Variants in ZC3H12C observed in about 807,000 individuals in gnomAD.
ZC3H12C encodes the protein zinc finger CCCH-type containing 12C, also known as probable ribonuclease ZC3H12C.
ZC3H12C carries 20 observed loss-of-function variants against 76.3 expected under a neutral mutation model. That is an observed-to-expected ratio of 0.26 (90% CI 0.18 to 0.38). The LOEUF (loss-of-function observed/expected upper bound fraction) is 0.38. ZC3H12C is among the 10% of genes least tolerant of loss of function. The pLI, the probability that ZC3H12C is intolerant of heterozygous loss-of-function variation, is 1.00. For synonymous variants in ZC3H12C, 352 were observed against 399.6 expected, an observed-to-expected ratio of 0.88 and a Z score of 1.42; for missense variants, 874 against 1,086.5, an observed-to-expected ratio of 0.80 and a Z score of 2.75.
intron 2 of ZC3H12C, among the ~76,000 whole-genome samples, chr11:110,143,639 T>C (rs1862107543): frequency 6.6e-6 from 1 of 152,130 alleles, no homozygotes; most frequent in Non-Finnish European, 1.5e-5. Context: ...TTTTCTAGTT[T>C]AAAAAGATTA....
chr11:110,121,056 A>G (rs990432373), intron 1 of ZC3H12C, among the ~76,000 whole-genome samples: 1 of 152,226 alleles, frequency 6.6e-6, no homozygotes, highest in African/African-American at 2.4e-5. Context: ...GCCTCTGGCC[A>G]GGCTTCATCC....
chr11:110,153,235 TG>T (rs1862308170), intron 3 of ZC3H12C, among the ~76,000 whole-genome samples, 177 bp downstream of exon 3: 1 of 152,218 alleles, frequency 6.6e-6, no homozygotes, highest in African/African-American at 2.4e-5. Flanking sequence ...TCACCCAGGC[TG>T]GGGTGCAGTG....
Position 110,165,454 on chromosome 11 carries a change from G to A in ZC3H12C, c.2369G>A (p.Arg790Gln). ...TATGGGATCGACGCCTATGGGTACC[G>A]GCAGACTTATTCCTTGCCCGATAAC... ...PGYGIDAYGY[R>Q]QTYSLPDNST... Residue 790 changes from arginine (R) to glutamine (Q), a missense_variant, in exon 6 of 6, where the codon CGG becomes CAG. By Grantham distance (43) the Arg-to-Gln change is conservative. This residue lies in a region of ZC3H12C where 395 missense variants were observed against 434.4 expected (regional missense o/e 0.91). Coordinates refer to ENST00000278590, the MANE Select transcript of ZC3H12C (RefSeq NM_033390.2). 2 of 1,613,938 alleles carry A rather than the reference G, an allele frequency of 1.2e-6. No homozygotes were observed. The highest frequency in any genetic ancestry group is 2.2e-5 in the South Asian group (2 of 91,072).
At chr11:110,110,593 G>C (rs1408232376) in intron 1 of ZC3H12C, among the ~76,000 whole-genome samples, 1 of 152,184 alleles carries the variant, frequency 6.6e-6, no homozygotes, top group Non-Finnish European at 1.5e-5. Flanking sequence ...CCACATTCTT[G>C]AGAATGGAGA....
At chr11:110,150,451 A>C (rs576745231) in intron 2 of ZC3H12C, among the ~76,000 whole-genome samples, 1 of 152,206 alleles carries the variant, frequency 6.6e-6, no homozygotes, top group South Asian at 2.1e-4. Context: ...AAAATTGTAA[A>C]TTGGTTTTGC....
intron 1 of ZC3H12C, among the ~76,000 whole-genome samples, chr11:110,122,389 C>A (rs921598900): frequency 2.6e-5 from 4 of 151,966 alleles, no homozygotes; most frequent in Admixed American, 2.6e-4. Context: ...AATATAACCA[C>A]GAGTGTATTT....
chr11:110,154,550 G>A (rs909227030), intron 3 of ZC3H12C, among the ~76,000 whole-genome samples: 3 of 151,924 alleles, frequency 2.0e-5, no homozygotes, highest in African/African-American at 7.3e-5. Flanking sequence ...AACCCTTTGG[G>A]AAAAATGTAC....
chr11:110,110,040 C>A (rs1861399489), intron 1 of ZC3H12C, among the ~76,000 whole-genome samples: 2 of 152,124 alleles, frequency 1.3e-5, no homozygotes, highest in East Asian at 1.9e-4. Context: ...TGAAGTCAAG[C>A]AGCCCACAGT....
intron 2 of ZC3H12C, among the ~76,000 whole-genome samples, chr11:110,141,003 A>G (rs1023027423): frequency 1.3e-5 from 2 of 152,354 alleles, no homozygotes; most frequent in African/African-American, 4.8e-5. Context: ...ACTCCTGGAA[A>G]AAGATGCAAC....
intron 2 of ZC3H12C, among the ~76,000 whole-genome samples, chr11:110,147,501 G>T (rs890370916): frequency 4.0e-5 from 6 of 151,786 alleles, no homozygotes; most frequent in Non-Finnish European, 8.8e-5. Context: ...CCTAATGCTC[G>T]CGGGGCTTAA....
chr11:110,140,890 ATCAC>A (rs1019620888), intron 2 of ZC3H12C, among the ~76,000 whole-genome samples: 14 of 152,204 alleles, frequency 9.2e-5, no homozygotes, highest in African/African-American at 2.9e-4. Context: ...TTTAGGAAAA[ATCAC>A]TCTATAGGGA....
intron 1 of ZC3H12C, among the ~76,000 whole-genome samples, chr11:110,135,036 A>G (rs185226454): frequency 3.9e-5 from 6 of 152,176 alleles, no homozygotes; most frequent in African/African-American, 4.8e-5. Flanking sequence ...TATAATAGCT[A>G]TTTTCTAGTG....
At chr11:110,135,490 C>CAAAAAAAAAAA (rs60107794) in intron 1 of ZC3H12C, among the ~76,000 whole-genome samples, 1 of 95,320 alleles carries the variant, frequency 1.0e-5, no homozygotes, top group Non-Finnish European at 1.9e-5. Flanking sequence ...ACTCCCGTCT[C>CAAAAAAAAAAA]AAAAAAAAAA....
chr11:110,145,918 C>T (rs370942744), intron 2 of ZC3H12C, among the ~76,000 whole-genome samples: 17 of 152,120 alleles, frequency 1.1e-4, no homozygotes, highest in African/African-American at 3.4e-4. Context: ...CCTATTGGCT[C>T]GGGAATCTCA....
At chr11:110,154,641 A>G (rs1412593981) in intron 3 of ZC3H12C, among the ~76,000 whole-genome samples, 3 of 152,080 alleles carry the variant, frequency 2.0e-5, no homozygotes, top group Non-Finnish European at 4.4e-5. Flanking sequence ...AAACCATCAG[A>G]GACCATAAGA....
chr11:110,156,844 C>T (rs190728764), intron 3 of ZC3H12C, among the ~76,000 whole-genome samples: 95 of 152,228 alleles, frequency 6.2e-4, no homozygotes, highest in African/African-American at 2.0e-3. Context: ...ATAATTGAGA[C>T]GGGGCACTTG....
At chr11:110,118,010 T>C (rs1861583585) in intron 1 of ZC3H12C, among the ~76,000 whole-genome samples, 1 of 131,304 alleles carries the variant, frequency 7.6e-6, no homozygotes, top group African/African-American at 2.9e-5. Context: ...ATATTATATA[T>C]ATACACACAC....
rs1236362938 is a variant in ZC3H12C at position 110,159,279 on chromosome 11, GAGA to G, written c.940_942del (p.Lys314del). 4 of 1,611,638 alleles carry G rather than the reference GAGA, an allele frequency of 2.5e-6. No individual in the cohort carries two copies. Among genetic ancestry groups the G allele is most frequent in the African/African-American group, 1.3e-5 (1 of 74,890 alleles). On this transcript the variant is annotated inframe_deletion, in exon 4 of 6. Transcript: ENST00000278590. ...AGATCAGGAAATTTTACGTAAATTA[GAGA>G]AGGAGAAAATCCTGGTGTTCACGCC...
chr11:110,095,474 G>A (rs1270683936), intron 1 of ZC3H12C, among the ~76,000 whole-genome samples: 1 of 152,142 alleles, frequency 6.6e-6, no homozygotes. Flanking sequence ...AACAAACAAG[G>A]TATTAAGTAG....
Sources: gnomAD v4.1 joint callset for allele counts (sites outside exome capture counted in the v4.1 genomes callset) on GRCh38, gnomAD v4.1.1 for gene constraint, gnomAD v4.1.1 regional missense constraint, MANE v1.5 for transcripts, NCBI Gene and HGNC (gene_info 2026-07-23, HGNC 2026-07-21) for gene names.